The following SNTG2 variants were observed in gnomAD, a reference collection of about 807,000 sequenced individuals.
The protein encoded by SNTG2 is syntrophin gamma 2.
Under a neutral mutation model 70.9 loss-of-function variants are expected in SNTG2, and 74 were observed. That is an observed-to-expected ratio of 1.04 (90% CI 0.86 to 1.27). The LOEUF is 1.27. Ranked by LOEUF, SNTG2 falls within the 50% of genes most tolerant of loss-of-function variation. SNTG2 has a pLI of 0.00. For missense variants in SNTG2, 717 were observed against 690.7 expected (o/e 1.04, Z -0.43); for synonymous variants, 278 against 273.8 (o/e 1.02, Z -0.15).
chr2:1,160,622 G>T (rs533110908), intron 6 of SNTG2: 1 of 152,262 alleles, frequency 6.6e-6, no homozygotes, highest in East Asian at 1.9e-4. Context: ...TTCACATGTC[G>T]AAGCCCTAAC....
intron 16 of SNTG2, 133 bp downstream of exon 16, chr2:1,316,508 T>C: frequency 4.7e-6 from 1 of 212,192 alleles, no homozygotes; most frequent in East Asian, 6.1e-5. Context: ...GCACGAGTCC[T>C]TCCTGAAAAT....
At chr2:1,320,090 T>A (rs939218669) in intron 16 of SNTG2, among the ~76,000 whole-genome samples, 1 of 152,220 alleles carries the variant, frequency 6.6e-6, no homozygotes, top group Non-Finnish European at 1.5e-5. Context: ...TTTTAGTAGT[T>A]GTTGAAAATA....
intron 4 of SNTG2, among the ~76,000 whole-genome samples, chr2:1,126,584 C>T (rs907102990): frequency 6.6e-6 from 1 of 152,164 alleles, no homozygotes; most frequent in East Asian, 1.9e-4. Context: ...TACCAGTTTA[C>T]ATTACCACCA....
At chr2:1,131,324 TC>T in intron 4 of SNTG2, among the ~76,000 whole-genome samples, 1 of 152,306 alleles carries the variant, frequency 6.6e-6, no homozygotes, top group East Asian at 1.9e-4. Flanking sequence ...TTCTTTCTTA[TC>T]AGGAGGTAAA....
chr2:1,314,693 C>T (rs1307974119), intron 15 of SNTG2, among the ~76,000 whole-genome samples: 2 of 152,194 alleles, frequency 1.3e-5, no homozygotes, highest in Non-Finnish European at 2.9e-5. Flanking sequence ...CATTCTCATA[C>T]TGCTATGAAG....
intron 8 of SNTG2, among the ~76,000 whole-genome samples, chr2:1,194,085 A>G (rs902253680): frequency 4.6e-5 from 7 of 152,156 alleles, no homozygotes; most frequent in African/African-American, 1.7e-4. Flanking sequence ...TTCCTCTACC[A>G]CATTAGTGTT....
intron 16 of SNTG2, among the ~76,000 whole-genome samples, chr2:1,364,183 T>C (rs1032736554): frequency 6.6e-6 from 1 of 151,592 alleles, no homozygotes; most frequent in African/African-American, 2.4e-5. Context: ...CATTTCACCA[T>C]GTTGGCCAGG....
At chr2:1,007,042 A>C (rs1402226626) in intron 1 of SNTG2, among the ~76,000 whole-genome samples, 4 of 151,988 alleles carry the variant, frequency 2.6e-5, no homozygotes, top group African/African-American at 7.3e-5. Context: ...TAAATAAATA[A>C]ATAAATAAAT....
chr2:1,201,245 A>C (rs1558523333), intron 8 of SNTG2, among the ~76,000 whole-genome samples: 1 of 152,020 alleles, frequency 6.6e-6, no homozygotes, highest in East Asian at 1.9e-4. Flanking sequence ...CATCCACAGC[A>C]ACATGGATGG....
intron 4 of SNTG2, among the ~76,000 whole-genome samples, chr2:1,135,543 A>C (rs1446564252): frequency 6.6e-6 from 1 of 152,166 alleles, no homozygotes; most frequent in Non-Finnish European, 1.5e-5. Flanking sequence ...AACATGGCAA[A>C]ACCACGTCTC....
chr2:1,153,601 C>T (rs1399008813), intron 6 of SNTG2, among the ~76,000 whole-genome samples: 1 of 152,178 alleles, frequency 6.6e-6, no homozygotes, highest in Non-Finnish European at 1.5e-5. Context: ...ATGCACTTGT[C>T]TAAGTGCATA....
chr2:1,176,661 A>AATGTGGGC (rs1249224540), intron 8 of SNTG2, among the ~76,000 whole-genome samples: 2 of 151,166 alleles, frequency 1.3e-5, no homozygotes, highest in Non-Finnish European at 2.9e-5. Context: ...AAAAAAAAAA[A>AATGTGGGC]CATTAAATGT....
intron 8 of SNTG2, among the ~76,000 whole-genome samples, chr2:1,175,213 G>A (rs1671391342): frequency 6.6e-6 from 1 of 152,138 alleles, no homozygotes; most frequent in Non-Finnish European, 1.5e-5. Context: ...ACTATTTCTG[G>A]GTAATCTGCA....
At chr2:1,222,129 C>CTGTCTCTGTCTCTCTCTCTCTCTG (rs1209807504) in intron 9 of SNTG2, among the ~76,000 whole-genome samples, 1 of 97,850 alleles carries the variant, frequency 1.0e-5, no homozygotes, top group East Asian at 3.0e-4. Flanking sequence ...CTCTCTGTCT[C>CTGTCTCTGTCTCTCTCTCTCTCTG]TCTCTGTCTC....
intron 8 of SNTG2, among the ~76,000 whole-genome samples, chr2:1,208,574 G>A (rs1673819795): frequency 6.6e-6 from 1 of 152,032 alleles, no homozygotes; most frequent in Non-Finnish European, 1.5e-5. Flanking sequence ...TCCCAGACGG[G>A]CTTCCTGTCG....
intron 8 of SNTG2, among the ~76,000 whole-genome samples, chr2:1,199,901 G>A (rs543868802): frequency 1.6e-4 from 24 of 152,018 alleles, no homozygotes; most frequent in African/African-American, 5.8e-4. Context: ...TCATACTCAT[G>A]GATCAAAAGA....
intron 14 of SNTG2, among the ~76,000 whole-genome samples, chr2:1,272,486 G>C (rs1300245456): frequency 1.4e-5 from 1 of 70,702 alleles, no homozygotes; most frequent in Non-Finnish European, 2.6e-5. Context: ...AAAAAAAAAA[G>C]GATTCTGTTA....
intron 6 of SNTG2, among the ~76,000 whole-genome samples, chr2:1,164,427 G>A (rs1186373036): frequency 1.6e-5 from 2 of 123,218 alleles, no homozygotes. Context: ...ATGAAGTGAG[G>A]TAGGAACCTG....
At chr2:1,173,342 T>TG (rs1257624619) in intron 8 of SNTG2, among the ~76,000 whole-genome samples, 159 bp downstream of exon 8, 16 of 152,336 alleles carry the variant, frequency 1.1e-4, no homozygotes, top group African/African-American at 3.8e-4. Context: ...GGTGCTGTTC[T>TG]GTTGACATTT....
Sources: gnomAD v4.1 joint callset for allele counts (sites outside exome capture counted in the v4.1 genomes callset) on GRCh38, gnomAD v4.1.1 for gene constraint, MANE v1.5 for transcripts, NCBI Gene and HGNC (gene_info 2026-07-23, HGNC 2026-07-21) for gene names.